ARFGAP2: variants seen among roughly 807,000 people sequenced by gnomAD.
The protein encoded by ARFGAP2 is ADP-ribosylation factor GTPase-activating protein 2.
A neutral mutation model predicts 71.9 loss-of-function variants in ARFGAP2; 45 were observed. The ratio of observed to expected loss-of-function variants is 0.63; its 90% CI spans 0.49 to 0.80. The LOEUF is 0.80. ARFGAP2 is among the 30% of genes least tolerant of loss of function. The pLI is 0.00. For synonymous variants in ARFGAP2, 248 were observed against 249.2 expected (o/e 1.00, Z 0.05); for missense variants, 633 against 673.9 (o/e 0.94, Z 0.67).
In ARFGAP2 at chr11:47,165,520, G is replaced by GGA. The variant is rs1565121623; in HGVS notation, c.1546-19_1546-18insTC. On this transcript the variant is annotated intron_variant, in intron 15 of 15. Coordinates refer to ENST00000524782, the MANE Select transcript of ARFGAP2 (RefSeq NM_032389.6). ...TAGCGATCCTGGGGGCGAGGGGGGA[G>GGA]AAAAAAAAAAAAAAAGTCAGAGGCT... The GGA allele has an allele frequency of 1.4e-6, 2 of 1,404,164 alleles. No homozygotes were observed. Among genetic ancestry groups the GGA allele is most frequent in the South Asian group, 1.4e-5 (1 of 69,250 alleles). The allele number at this position is 1,404,164 out of a possible 1,614,324, so 87.0% of individuals were successfully genotyped here. A position where few individuals can be genotyped will look rare whatever the true frequency, so the allele number is the denominator to read the frequency against.
chr11:47,171,404 C>A, intron 10 of ARFGAP2, 22 bp downstream of exon 10: 1 of 1,612,746 alleles, frequency 6.2e-7, no homozygotes. Flanking sequence ...ATTTCCCTGC[C>A]ACACCCGGAG....
chr11:47,173,592 A>G (rs1952680016), intron 6 of ARFGAP2, 110 bp from the exon 7 acceptor site: 6 of 1,419,218 alleles, frequency 4.2e-6, no homozygotes, highest in Non-Finnish European at 5.7e-6. Context: ...TGCCACCAAA[A>G]GATAAAAGGA....
At chr11:47,173,574 C>T in intron 6 of ARFGAP2, 92 bp from the exon 7 acceptor site, 2 of 1,443,020 alleles carry the variant, frequency 1.4e-6, no homozygotes, top group Admixed American at 2.4e-5. Flanking sequence ...CGGTGGCTTT[C>T]CTCAGCTTGC....
intron 10 of ARFGAP2, 59 bp from the exon 11 acceptor site, chr11:47,168,310 C>T: frequency 6.2e-7 from 1 of 1,605,282 alleles, no homozygotes; most frequent in Non-Finnish European, 8.5e-7. Flanking sequence ...CATCACCGCA[C>T]AAGAGACAAT....
At chr11:47,170,292 C>G (rs546312380) in intron 10 of ARFGAP2, among the ~76,000 whole-genome samples, 31 of 143,036 alleles carry the variant, frequency 2.2e-4, no homozygotes, top group Non-Finnish European at 2.7e-4. Context: ...CCACTGAACT[C>G]CAGCCTGGGT....
chr11:47,174,815 TA>T, intron 5 of ARFGAP2, 199 bp downstream of exon 5: 1 of 622,420 alleles, frequency 1.6e-6, no homozygotes, highest in Non-Finnish European at 2.8e-6. Context: ...AGTCGATTTC[TA>T]AGGAGGGCTA....
chr11:47,173,218 C>A, intron 7 of ARFGAP2: 1 of 647,250 alleles, frequency 1.5e-6, no homozygotes, highest in Non-Finnish European at 2.7e-6. Context: ...TATACACCAG[C>A]CCACCCAGAT....
intron 12 of ARFGAP2, 36 bp downstream of exon 12, chr11:47,167,873 A>G (rs1565124394): frequency 1.3e-6 from 2 of 1,523,978 alleles, no homozygotes; most frequent in Non-Finnish European, 1.8e-6. Context: ...TTTAAAAAAA[A>G]AAAAGAAAGA....
Position 47,176,613 on chromosome 11 carries a change from T to C in ARFGAP2, c.94A>G (p.Lys32Glu), listed in dbSNP as rs752552532. Residue 32 changes from lysine (K) to glutamate (E), a missense_variant, in exon 2 of 16, where the codon AAG becomes GAG. Physicochemically the swap from Lys to Glu is moderately conservative, Grantham distance 56 (BLOSUM62 1). Transcript: ENST00000524782. ...TNKACFDCGAKNPSWASITYG... is the reference protein window; with the variant it reads ...TNKACFDCGAENPSWASITYG... ...GTGATGCTGGCCCAACTCGGATTCT[T>C]GGCGCCGCAGTCGAAACAGGCCTGG... 6.2e-7 allele frequency: 1 copy of C among 1,614,064 alleles called. No homozygotes were observed. The highest frequency in any genetic ancestry group is 1.7e-5 in the Admixed American group (1 of 60,024).
At chr11:47,176,269 A>G (rs921381636) in intron 2 of ARFGAP2, 2 of 591,498 alleles carry the variant, frequency 3.4e-6, no homozygotes, top group Non-Finnish European at 6.0e-6. Context: ...CCCCTCAACT[A>G]ACGCTCAGAG....
At chr11:47,174,016 CA>C (rs1285069719) in intron 5 of ARFGAP2, 176 bp from the exon 6 acceptor site, 9 of 1,252,210 alleles carry the variant, frequency 7.2e-6, no homozygotes, top group African/African-American at 3.0e-5. Context: ...AGCAGGAAGA[CA>C]AGCAGCCCCC....
Position 47,172,273 on chromosome 11 carries a change from C to A in ARFGAP2, c.672+8G>T. 6.2e-7 allele frequency: 1 copy of A among 1,614,134 alleles called. No individual in the cohort carries two copies. Among genetic ancestry groups the A allele is most frequent in the South Asian group, 1.1e-5 (1 of 91,080 alleles). On this transcript the variant is annotated splice_region_variant and intron_variant, in intron 8 of 15. Coordinates refer to ENST00000524782, the MANE Select transcript of ARFGAP2 (RefSeq NM_032389.6). ...AACCCCTCTACCATACCACCTCTCC[C>A]CACCTACCCCTTTCTTAGCTGCTGC...
chr11:47,174,844 TG>T, intron 5 of ARFGAP2, 170 bp downstream of exon 5: 1 of 709,790 alleles, frequency 1.4e-6, no homozygotes, highest in Non-Finnish European at 2.4e-6. Context: ...CCTCCATTTA[TG>T]GAGGAGGAAA....
rs533362878 is a variant in ARFGAP2 at position 47,172,848 on chromosome 11, C to A, written c.620-515G>T. The A allele has an allele frequency of 1.1e-5, 12 of 1,103,428 alleles. 1 individual carries two copies. The Admixed American group carries it at 2.7e-4, about 25-fold the overall frequency. The allele number at this position is 1,103,428 out of a possible 1,614,324, so 68.4% of individuals were successfully genotyped here. A position where few individuals can be genotyped will look rare whatever the true frequency, so the allele number is the denominator to read the frequency against. ...GGTCTCTATGAAGCCCTGCTTCAGA[C>A]CAAGCTATGCCAGCCTTCTCATGGA... On this transcript the variant is annotated intron_variant, in intron 7 of 15. Transcript: ENST00000524782.
intron 7 of ARFGAP2, chr11:47,172,582 G>C: frequency 8.4e-7 from 1 of 1,193,542 alleles, no homozygotes; most frequent in Non-Finnish European, 1.2e-6. Flanking sequence ...CGAAGCACCA[G>C]AGACGTCCAA....
At chr11:47,171,625 G>A in intron 9 of ARFGAP2, 39 bp downstream of exon 9, 1 of 1,613,838 alleles carries the variant, frequency 6.2e-7, no homozygotes, top group Non-Finnish European at 8.5e-7. Flanking sequence ...CACCCACCAA[G>A]CCCCGCAGAA....
rs2135422868 is a variant in ARFGAP2 at position 47,167,945 on chromosome 11, T to C, written c.1169A>G (p.Glu390Gly). ...GMDRVEEKEP[E>G]VTISSIRPIS... ...AGGCCGGATGCTTGAGATGGTCACT[T>C]CTGGCTCCTTCTCCTCTACCCTGTC... The change falls in exon 12 of 16, where the codon GAA becomes GGA. Residue 390 changes from glutamate to glycine, a missense_variant. Transcript: ENST00000524782. The C allele has an allele frequency of 6.2e-7, 1 of 1,613,322 alleles. No homozygotes were observed. The highest frequency in any genetic ancestry group is 2.2e-5 in the East Asian group (1 of 44,868).
At chr11:47,173,514 G>T in intron 6 of ARFGAP2, 32 bp from the exon 7 acceptor site, 1 of 1,532,202 alleles carries the variant, frequency 6.5e-7, no homozygotes, top group Non-Finnish European at 8.8e-7. Context: ...TTAGAGATGA[G>T]CTCCTAGCTT....
Position 47,165,502 on chromosome 11 carries a change from C to T in ARFGAP2, c.1546G>A (p.Asp516Asn), listed in dbSNP as rs1952311763. 2 of 1,561,404 alleles carry T rather than the reference C, an allele frequency of 1.3e-6. No homozygotes were observed. The highest frequency in any genetic ancestry group is 2.4e-5 in the East Asian group (1 of 42,072). ...TCGGATCAGTAGGAACCGTAGCGATCCTGGGGGCGAGGGGGGAGAAAAAAA... is the reference window on the plus strand; with the variant it reads ...TCGGATCAGTAGGAACCGTAGCGATTCTGGGGGCGAGGGGGGAGAAAAAAA... ...LANGVMNSLQDRYGSY is the reference protein window; with the variant it reads ...LANGVMNSLQNRYGSY The change falls in exon 16 of 16, where the codon GAT becomes AAT. Residue 516 changes from aspartate (D) to asparagine (N), a missense_variant and splice_region_variant. By Grantham distance (23) the Asp-to-Asn change is conservative (BLOSUM62 1). Transcript: ENST00000524782.
Sources: allele counts gnomAD v4.1 joint callset (sites outside exome capture counted in the v4.1 genomes callset), GRCh38; gene constraint gnomAD v4.1.1; transcripts MANE v1.5; gene names NCBI Gene and HGNC (gene_info 2026-07-23, HGNC 2026-07-21).